Variants in NSMCE2 observed in about 807,000 individuals in gnomAD.
The protein encoded by NSMCE2 is E3 SUMO-protein ligase NSE2.
Under a neutral mutation model 23.8 loss-of-function variants are expected in NSMCE2, and 24 were observed. The observed-to-expected ratio is 1.01, with a 90% CI of 0.73 to 1.42. NSMCE2 has a LOEUF of 1.42. NSMCE2 is among the 40% of genes most tolerant of loss of function. NSMCE2 has a pLI of 0.00. For missense variants in NSMCE2, 284 were observed against 296.5 expected, an observed-to-expected ratio of 0.96 and a Z score of 0.31; for synonymous variants, 92 against 94.1, an observed-to-expected ratio of 0.98 and a Z score of 0.13.
At chr8:125,121,190 A>G (rs184275101) in intron 3 of NSMCE2, among the ~76,000 whole-genome samples, 4 of 152,340 alleles carry the variant, frequency 2.6e-5, no homozygotes, top group African/African-American at 7.2e-5. Context: ...AGTTATAGGT[A>G]GCGTGCTCAG....
intron 5 of NSMCE2, among the ~76,000 whole-genome samples, chr8:125,235,283 A>G (rs1306557864): frequency 6.6e-6 from 1 of 151,096 alleles, no homozygotes; most frequent in East Asian, 1.9e-4. Context: ...TTTTCCCAAG[A>G]GTTTATATAT....
chr8:125,343,811 C>T (rs558466392), intron 5 of NSMCE2, among the ~76,000 whole-genome samples: 16 of 151,780 alleles, frequency 1.1e-4, no homozygotes, highest in African/African-American at 3.6e-4. Flanking sequence ...CTGGCTAATT[C>T]GGTGAAACCC....
chr8:125,221,492 C>T (rs184938396), intron 5 of NSMCE2, among the ~76,000 whole-genome samples: 1 of 152,336 alleles, frequency 6.6e-6, no homozygotes, highest in Admixed American at 6.5e-5. Context: ...AGTCCACCTG[C>T]CTCAGCTTCC....
intron 1 of NSMCE2, chr8:125,094,585 T>G (rs567039403): frequency 6.6e-6 from 1 of 152,378 alleles, no homozygotes; most frequent in South Asian, 2.1e-4. Flanking sequence ...GTAGATACTT[T>G]CCATTTATAC....
intron 5 of NSMCE2, among the ~76,000 whole-genome samples, chr8:125,218,325 A>C (rs1824691572): frequency 6.6e-6 from 1 of 152,186 alleles, no homozygotes; most frequent in South Asian, 2.1e-4. Flanking sequence ...GAAAAGTTCT[A>C]GAAGCAATTC....
intron 7 of NSMCE2, among the ~76,000 whole-genome samples, chr8:125,359,900 G>A (rs1434235141): frequency 1.3e-5 from 2 of 152,114 alleles, no homozygotes; most frequent in Non-Finnish European, 2.9e-5. Context: ...AGTTTAGGAA[G>A]TTACTCCAAT....
chr8:125,213,410 A>T (rs957700674), intron 5 of NSMCE2, among the ~76,000 whole-genome samples: 1 of 151,988 alleles, frequency 6.6e-6, no homozygotes, highest in African/African-American at 2.4e-5. Context: ...TTGTTACTTT[A>T]GTAAATATAT....
chr8:125,257,425 A>C (rs1030580484), intron 5 of NSMCE2, among the ~76,000 whole-genome samples: 2 of 152,020 alleles, frequency 1.3e-5, no homozygotes, highest in Non-Finnish European at 2.9e-5. Context: ...AAAAGGGGGT[A>C]ATCTCCTGTG....
intron 5 of NSMCE2, among the ~76,000 whole-genome samples, chr8:125,311,640 T>C (rs1487058996): frequency 1.3e-5 from 2 of 152,234 alleles, no homozygotes; most frequent in African/African-American, 4.8e-5. Flanking sequence ...GATTAAGGAA[T>C]TGTCAGCTGA....
intron 3 of NSMCE2, among the ~76,000 whole-genome samples, chr8:125,141,520 A>G (rs1205911382): frequency 6.6e-6 from 1 of 152,238 alleles, no homozygotes; most frequent in Non-Finnish European, 1.5e-5. Context: ...TATCTCTACA[A>G]TATGTTTAAT....
At chr8:125,181,173 G>A (rs1563702034) in intron 4 of NSMCE2, among the ~76,000 whole-genome samples, 1 of 152,208 alleles carries the variant, frequency 6.6e-6, no homozygotes, top group African/African-American at 2.4e-5. Flanking sequence ...TGGAGGATGA[G>A]AAGGTGGAAA....
Position 125,302,373 on chromosome 8 carries a change from G to T in NSMCE2, c.419-54846G>T, listed in dbSNP as rs115461953. ...TGCAAAGGCCCTGGTGTGGGAGTTG[G>T]CCTGGCACACATTCCAGGAGTGACA... On this transcript the variant is annotated intron_variant, in intron 5 of 7. Transcript: ENST00000287437. Among the ~76,000 whole-genome samples the T allele has an allele frequency of 4.3e-3, 657 of 152,328 alleles. 7 individuals are homozygous for T. Among genetic ancestry groups the T allele is most frequent in the African/African-American group, 0.015 (631 of 41,574 alleles).
chr8:125,108,505 T>G (rs1233595536), intron 3 of NSMCE2, among the ~76,000 whole-genome samples: 5 of 152,240 alleles, frequency 3.3e-5, no homozygotes, highest in Admixed American at 3.3e-4. Context: ...TTGAGTAAGG[T>G]ACCTAACTTC....
chr8:125,366,990 C>T lies in NSMCE2; in HGVS notation c.*105C>T. On this transcript the variant is annotated 3_prime_UTR_variant, in exon 8 of 8. Coordinates refer to ENST00000287437, the MANE Select transcript of NSMCE2 (RefSeq NM_173685.4). ...AGTTAGGGACTGGCTGCATAGCATACTTGTTGGGGGTAAAACTTGTTGCTT... is the reference window on the plus strand; with the variant it reads ...AGTTAGGGACTGGCTGCATAGCATATTTGTTGGGGGTAAAACTTGTTGCTT... 1 of 663,214 alleles carries T rather than the reference C, an allele frequency of 1.5e-6. No individual in the cohort carries two copies. The highest frequency in any genetic ancestry group is 2.7e-6 in the Non-Finnish European group (1 of 364,580). The allele number at this position is 663,214 out of a possible 1,614,324, so 41.1% of individuals were successfully genotyped here.
chr8:125,343,492 AGC>A (rs201696302), intron 5 of NSMCE2, among the ~76,000 whole-genome samples: 1,711 of 152,358 alleles, frequency 0.011, 19 homozygotes, highest in Non-Finnish European at 0.017. Flanking sequence ...AGTATGAATT[AGC>A]CAGGCGTGTT....
At chr8:125,340,018 T>TTG (rs1563794251) in intron 5 of NSMCE2, among the ~76,000 whole-genome samples, 3 of 105,870 alleles carry the variant, frequency 2.8e-5, no homozygotes, top group South Asian at 2.6e-4. Context: ...TTTTGTTTTT[T>TTG]TTTTTTTTTT....
intron 3 of NSMCE2, among the ~76,000 whole-genome samples, chr8:125,149,193 C>T (rs1586516486): frequency 6.6e-6 from 1 of 152,192 alleles, no homozygotes; most frequent in South Asian, 2.1e-4. Context: ...CTCCCCTGAC[C>T]CCCTAACTTA....
At chr8:125,290,508 GACC>G (rs1828067789) in intron 5 of NSMCE2, among the ~76,000 whole-genome samples, 1 of 151,562 alleles carries the variant, frequency 6.6e-6, no homozygotes. Context: ...CAGTTTGCCT[GACC>G]ACCTGGCAGA....
intron 4 of NSMCE2, among the ~76,000 whole-genome samples, chr8:125,167,471 C>T (rs1011143973): frequency 1.4e-4 from 22 of 152,136 alleles, no homozygotes; most frequent in Non-Finnish European, 2.6e-4. Flanking sequence ...TTGAGACCCT[C>T]CTGGCCAACA....
Sources: allele counts gnomAD v4.1 joint callset (sites outside exome capture counted in the v4.1 genomes callset), GRCh38; gene constraint gnomAD v4.1.1; transcripts MANE v1.5; gene names NCBI Gene and HGNC (gene_info 2026-07-23, HGNC 2026-07-21).